The following AFG2A variants were observed in gnomAD, a reference collection of about 807,000 sequenced individuals.
The protein encoded by AFG2A is ATPase family gene 2 protein homolog A.
chr4:123,084,710 C>A, the AFG2A span, among the ~76,000 whole-genome samples: 1 of 151,820 alleles, frequency 6.6e-6, no homozygotes, highest in Admixed American at 6.6e-5. Context: ...CTCACTAAGG[C>A]CTCAACCTCC....
the AFG2A span, among the ~76,000 whole-genome samples, chr4:123,115,999 A>T: frequency 6.6e-6 from 1 of 152,126 alleles, no homozygotes; most frequent in Non-Finnish European, 1.5e-5. Flanking sequence ...TCATGGGCTC[A>T]GGTGATCCTC....
chr4:123,042,227 G>T, the AFG2A span, among the ~76,000 whole-genome samples: 3 of 152,100 alleles, frequency 2.0e-5, no homozygotes, highest in African/African-American at 4.8e-5. Flanking sequence ...CACAATCCTG[G>T]AGGCTGGGAA....
chr4:123,143,047 G>T, the AFG2A span, among the ~76,000 whole-genome samples: 1 of 151,852 alleles, frequency 6.6e-6, no homozygotes, highest in East Asian at 1.9e-4. Flanking sequence ...TTTAAGGTTT[G>T]GGATGCTCAA....
At chr4:123,253,569 G>A in the AFG2A span, among the ~76,000 whole-genome samples, 1 of 152,052 alleles carries the variant, frequency 6.6e-6, no homozygotes, top group Non-Finnish European at 1.5e-5. Context: ...AGTATCACTT[G>A]AGTGCAGGAG....
chr4:123,146,290 A>C, the AFG2A span, among the ~76,000 whole-genome samples: 3 of 152,210 alleles, frequency 2.0e-5, no homozygotes, highest in African/African-American at 7.2e-5. Flanking sequence ...TAGTAAAAGG[A>C]AATAAAGAAC....
At chr4:123,005,969 A>G in the AFG2A span, among the ~76,000 whole-genome samples, 6 of 152,322 alleles carry the variant, frequency 3.9e-5, no homozygotes, top group Admixed American at 6.5e-5. Flanking sequence ...TATGTACTCA[A>G]TGTAGTCACC....
the AFG2A span, chr4:123,256,267 G>C: frequency 6.9e-7 from 1 of 1,447,192 alleles, no homozygotes; most frequent in Admixed American, 2.0e-5. Context: ...GCCCTGAGGT[G>C]TTTTAAATGA....
chr4:122,967,459 T>C, the AFG2A span, among the ~76,000 whole-genome samples: 4 of 152,212 alleles, frequency 2.6e-5, no homozygotes, highest in Non-Finnish European at 5.9e-5. Context: ...TCAAGTTTTG[T>C]TTTTCTTCTT....
chr4:123,146,257 A>G, the AFG2A span, among the ~76,000 whole-genome samples: 1 of 152,224 alleles, frequency 6.6e-6, no homozygotes, highest in Non-Finnish European at 1.5e-5. Context: ...AAGTATGTCC[A>G]GAAGGAACTA....
chr4:123,051,875 C>G, the AFG2A span, among the ~76,000 whole-genome samples: 1 of 151,940 alleles, frequency 6.6e-6, no homozygotes, highest in South Asian at 2.1e-4. Context: ...GATCCTTTAT[C>G]TTTGATCTGT....
the AFG2A span, among the ~76,000 whole-genome samples, chr4:123,313,101 C>T: frequency 6.6e-6 from 1 of 152,212 alleles, no homozygotes; most frequent in Non-Finnish European, 1.5e-5. Flanking sequence ...ACACTGGCAT[C>T]AGCCTGCTTC....
the AFG2A span, among the ~76,000 whole-genome samples, chr4:122,971,064 T>G: frequency 6.6e-6 from 1 of 152,188 alleles, no homozygotes; most frequent in Non-Finnish European, 1.5e-5. Flanking sequence ...AAAAGTAATT[T>G]TTTTTGTATT....
the AFG2A span, among the ~76,000 whole-genome samples, chr4:123,201,131 T>A: frequency 6.6e-6 from 1 of 152,250 alleles, no homozygotes; most frequent in Non-Finnish European, 1.5e-5. Context: ...AACATCCTTG[T>A]ATTTAAGAGA....
At chr4:122,929,039 G>A in the AFG2A span, 1 of 1,612,832 alleles carries the variant, frequency 6.2e-7, no homozygotes, top group South Asian at 1.1e-5. Flanking sequence ...CTGTCTGGCA[G>A]GTGTATACAG....
At chr4:123,113,115 T>C in the AFG2A span, among the ~76,000 whole-genome samples, 2 of 152,324 alleles carry the variant, frequency 1.3e-5, no homozygotes, top group South Asian at 4.1e-4. Context: ...AGGGTCTGTA[T>C]AAATACTTAT....
the AFG2A span, among the ~76,000 whole-genome samples, chr4:123,245,780 T>C: frequency 6.6e-6 from 1 of 152,206 alleles, no homozygotes; most frequent in African/African-American, 2.4e-5. Context: ...ATTGATTTAT[T>C]TGTTTTAATA....
chr4:123,181,883 A>G, the AFG2A span, among the ~76,000 whole-genome samples: 25 of 152,320 alleles, frequency 1.6e-4, no homozygotes, highest in African/African-American at 5.5e-4. Context: ...TTAGATACAC[A>G]CTTTACTACA....
the AFG2A span, among the ~76,000 whole-genome samples, chr4:122,943,265 C>A: frequency 7.2e-5 from 11 of 152,112 alleles, no homozygotes; most frequent in East Asian, 7.7e-4. Flanking sequence ...ATTGTGTGGG[C>A]GTCTAAGTCT....
the AFG2A span, among the ~76,000 whole-genome samples, chr4:123,296,937 T>C: frequency 1.3e-5 from 2 of 152,298 alleles, no homozygotes; most frequent in East Asian, 3.9e-4. Context: ...TAGCATGAAG[T>C]CAAAGTTCTC....
Sources: allele counts gnomAD v4.1 joint callset (sites outside exome capture counted in the v4.1 genomes callset), GRCh38; gene constraint gnomAD v4.1.1; transcripts MANE v1.5; gene names NCBI Gene and HGNC (gene_info 2026-07-23, HGNC 2026-07-21).